The following GPC5 variants were observed in gnomAD, a reference collection of about 807,000 sequenced individuals.
GPC5 encodes glypican 5.
In GPC5, 47 loss-of-function variants were observed where a neutral mutation model predicts 53.9. That is an observed-to-expected ratio of 0.87 (90% CI 0.69 to 1.11). GPC5 has a LOEUF of 1.11. Among genes scored for constraint, GPC5 ranks in the 50% most tolerant of loss-of-function variants. GPC5 has a pLI of 0.00. For missense variants in GPC5, 748 were observed against 713.1 expected (o/e 1.05, Z -0.56); for synonymous variants, 286 against 263.3 (o/e 1.09, Z -0.84).
intron 2 of GPC5, among the ~76,000 whole-genome samples, chr13:91,565,792 A>T (rs1324683070): frequency 6.6e-6 from 1 of 152,212 alleles, no homozygotes. Flanking sequence ...ACAGAAATTT[A>T]TTCTTTCATG....
At chr13:92,788,179 C>CATA (rs904863913) in intron 7 of GPC5, among the ~76,000 whole-genome samples, 15 of 151,876 alleles carry the variant, frequency 9.9e-5, no homozygotes, top group Middle Eastern at 3.4e-3. Context: ...CTTTTGAACA[C>CATA]ATAATTTTTT....
At chr13:91,812,625 TATTC>T (rs1171877211) in intron 5 of GPC5, among the ~76,000 whole-genome samples, 1 of 152,188 alleles carries the variant, frequency 6.6e-6, no homozygotes, top group Admixed American at 6.5e-5. Context: ...TTCTAGTACA[TATTC>T]ATTTTTGTTT....
At chr13:91,637,503 T>C (rs2034314045) in intron 2 of GPC5, among the ~76,000 whole-genome samples, 1 of 152,108 alleles carries the variant, frequency 6.6e-6, no homozygotes, top group Admixed American at 6.5e-5. Flanking sequence ...TCATGTAGGA[T>C]GAAAGGAAGT....
At chr13:92,427,557 T>C (rs1876890636) in intron 7 of GPC5, among the ~76,000 whole-genome samples, 1 of 151,882 alleles carries the variant, frequency 6.6e-6, no homozygotes, top group African/African-American at 2.4e-5. Flanking sequence ...CTGATAGTAA[T>C]TGTAGAAAAA....
At chr13:92,124,640 T>C (rs143364572) in intron 6 of GPC5, among the ~76,000 whole-genome samples, 1 of 152,294 alleles carries the variant, frequency 6.6e-6, no homozygotes, top group African/African-American at 2.4e-5. Context: ...GACTTCTGCA[T>C]ACACAGAGAG....
chr13:92,777,290 T>C (rs1160591951), intron 7 of GPC5, among the ~76,000 whole-genome samples: 5 of 143,016 alleles, frequency 3.5e-5, no homozygotes, highest in Non-Finnish European at 7.5e-5. Context: ...GAGCCGAGAT[T>C]GTGCCATTGC....
chr13:92,740,960 G>GTGTATA lies in GPC5; in HGVS notation c.1562-125321_1562-125320insGTATAT, dbSNP rs35795926. 8.5e-5 allele frequency among the ~76,000 whole-genome samples: 10 copies of GTGTATA among 117,756 alleles called. No individual in the cohort carries two copies. The South Asian group carries it at 2.5e-3, about 30-fold the overall frequency. 77.3% of individuals were successfully genotyped at this position (117,756 alleles called of 152,430 possible). A position where few individuals can be genotyped will look rare whatever the true frequency, so the allele number is the denominator to read the frequency against. On this transcript the variant is annotated intron_variant, in intron 7 of 7. Coordinates refer to ENST00000377067, the MANE Select transcript of GPC5 (RefSeq NM_004466.6). The stretch of plus-strand genomic sequence containing the variant: ...TGTATGTGTGTATATATATGTATGT[G>GTGTATA]TATATATATATCCTGCTGTAGCATA...
intron 2 of GPC5, among the ~76,000 whole-genome samples, chr13:91,684,954 C>T (rs1034040833): frequency 3.3e-5 from 5 of 152,168 alleles, no homozygotes; most frequent in Non-Finnish European, 5.9e-5. Flanking sequence ...CACCTCGTAA[C>T]CTTGCACTCT....
At chr13:91,437,435 C>T (rs1594089388) in intron 1 of GPC5, among the ~76,000 whole-genome samples, 1 of 152,040 alleles carries the variant, frequency 6.6e-6, no homozygotes, top group South Asian at 2.1e-4. Flanking sequence ...TTTATTTCTC[C>T]TCATTTATGA....
intron 7 of GPC5, among the ~76,000 whole-genome samples, chr13:92,641,969 T>G (rs1885608489): frequency 1.5e-5 from 2 of 130,466 alleles, no homozygotes; most frequent in Admixed American, 1.5e-4. Flanking sequence ...GATCTGAAAT[T>G]TTTTCTTATT....
chr13:91,964,856 G>T (rs2040165351), intron 6 of GPC5, among the ~76,000 whole-genome samples: 1 of 152,078 alleles, frequency 6.6e-6, no homozygotes, highest in African/African-American at 2.4e-5. Context: ...GTGATAGACT[G>T]TATTAAGAAA....
chr13:92,445,926 G>A (rs953638399), intron 7 of GPC5, among the ~76,000 whole-genome samples: 7 of 152,010 alleles, frequency 4.6e-5, no homozygotes, highest in Non-Finnish European at 1.0e-4. Context: ...CACTGTGCCA[G>A]GCAGTATCAT....
chr13:91,711,229 G>C (rs1201771083), intron 3 of GPC5, among the ~76,000 whole-genome samples: 1 of 152,108 alleles, frequency 6.6e-6, no homozygotes, highest in Non-Finnish European at 1.5e-5. Context: ...TGATAGACTG[G>C]ATTAAGAAAA....
chr13:91,797,217 C>T (rs2038060508), intron 5 of GPC5, among the ~76,000 whole-genome samples: 1 of 152,074 alleles, frequency 6.6e-6, no homozygotes, highest in African/African-American at 2.4e-5. Context: ...AGATTACTTC[C>T]CCTTTCTGTG....
chr13:91,718,463 T>C (rs1463371981), intron 3 of GPC5, among the ~76,000 whole-genome samples: 1 of 152,104 alleles, frequency 6.6e-6, no homozygotes, highest in Non-Finnish European at 1.5e-5. Flanking sequence ...CCCTTCTCTG[T>C]GGTTTCTCAC....
At chr13:91,591,361 C>T (rs958116996) in intron 2 of GPC5, among the ~76,000 whole-genome samples, 16 of 152,228 alleles carry the variant, frequency 1.1e-4, no homozygotes, top group South Asian at 2.1e-4. Context: ...TTCCAGCTAC[C>T]GTTAGGACTT....
At chr13:91,658,893 T>C (rs1926658) in intron 2 of GPC5, among the ~76,000 whole-genome samples, 31,947 of 152,160 alleles carry the variant, frequency 0.21, 5,327 homozygotes, top group African/African-American at 0.45. Flanking sequence ...ATGACACTAG[T>C]GGCAGAAACA....
intron 7 of GPC5, among the ~76,000 whole-genome samples, chr13:92,692,833 T>G (rs1210141200): frequency 6.7e-6 from 1 of 148,878 alleles, no homozygotes; most frequent in African/African-American, 2.5e-5. Flanking sequence ...GGTTTGGATT[T>G]GCATTTTTTT....
intron 7 of GPC5, among the ~76,000 whole-genome samples, chr13:92,729,135 GCATCCTTACAGGCTACT>G (rs1313950518): frequency 6.6e-6 from 1 of 151,128 alleles, no homozygotes; most frequent in African/African-American, 2.4e-5. Context: ...TCTCCCCAAA[GCATCCTTACAGGCTACT>G]CATCCTTTGT....
Sources: gnomAD v4.1 joint callset for allele counts (sites outside exome capture counted in the v4.1 genomes callset) on GRCh38, gnomAD v4.1.1 for gene constraint, MANE v1.5 for transcripts, NCBI Gene and HGNC (gene_info 2026-07-23, HGNC 2026-07-21) for gene names.